Variants in SNX29 observed in about 807,000 individuals in gnomAD.
SNX29 encodes sorting nexin-29.
Under a neutral mutation model 102.1 loss-of-function variants are expected in SNX29, and 78 were observed. The observed-to-expected ratio is 0.76, with a 90% CI of 0.64 to 0.92. The LOEUF (loss-of-function observed/expected upper bound fraction) is 0.92, where lower values mean the gene tolerates loss of function less well. SNX29 is among the 40% of genes least tolerant of loss of function. The probability of loss-of-function intolerance (pLI) is 0.00; values close to 1 mark genes in which losing one functional copy is unlikely to be tolerated. For missense variants in SNX29, 1,280 were observed against 1,061.7 expected (o/e 1.21, Z -2.86); for synonymous variants, 580 against 414.5 (o/e 1.40, Z -4.85).
At chr16:12,109,765 C>G (rs1028790709) in intron 11 of SNX29, among the ~76,000 whole-genome samples, 1 of 151,880 alleles carries the variant, frequency 6.6e-6, no homozygotes, top group African/African-American at 2.4e-5. Flanking sequence ...GAATCCCGCT[C>G]TGTCACCCAG....
Position 12,535,209 on chromosome 16 carries a change from G to C in SNX29, c.2318+10368G>C, listed in dbSNP as rs187963764. Among the ~76,000 whole-genome samples, 495 of 152,330 alleles carry C rather than the reference G, an allele frequency of 3.2e-3. 3 individuals are homozygous for C. Among genetic ancestry groups the C allele is most frequent in the Middle Eastern group, 0.017 (5 of 294 alleles). On this transcript the variant is annotated intron_variant, in intron 20 of 20. Transcript: ENST00000566228. Reference sequence around the variant, plus strand: ...GCTGGAGTGCAGTGGTGTGATTTCAGCTCACTGCAACCTCTGCCTCCTGGG... The same window carrying C: ...GCTGGAGTGCAGTGGTGTGATTTCACCTCACTGCAACCTCTGCCTCCTGGG...
At chr16:12,555,345 T>G (rs62028165) in intron 20 of SNX29, among the ~76,000 whole-genome samples, 9 of 151,828 alleles carry the variant, frequency 5.9e-5, no homozygotes, top group Admixed American at 3.9e-4. Flanking sequence ...CTGAGAAACA[T>G]GTTGGTTAAC....
chr16:12,045,095 C>G (rs552263379), intron 5 of SNX29, among the ~76,000 whole-genome samples: 24 of 152,274 alleles, frequency 1.6e-4, no homozygotes, highest in East Asian at 5.8e-4. Flanking sequence ...CGAAAACAGG[C>G]TCAGATTTTT....
intron 19 of SNX29, among the ~76,000 whole-genome samples, chr16:12,495,295 A>G (rs2088765723): frequency 1.3e-5 from 2 of 151,854 alleles, no homozygotes; most frequent in African/African-American, 4.8e-5. Context: ...GGGATTACAG[A>G]CGTGCACCAC....
intron 14 of SNX29, among the ~76,000 whole-genome samples, chr16:12,269,344 C>T (rs367737264): frequency 7.9e-5 from 12 of 152,140 alleles, no homozygotes; most frequent in South Asian, 4.1e-4. Context: ...ACATTTGGCA[C>T]GAGATTAAAA....
At chr16:12,500,345 A>G (rs1010284742) in intron 19 of SNX29, among the ~76,000 whole-genome samples, 4 of 152,210 alleles carry the variant, frequency 2.6e-5, no homozygotes, top group Admixed American at 1.3e-4. Flanking sequence ...GCTTGCCTGC[A>G]GACCAATAAC....
chr16:12,128,041 C>G (rs1483981331), intron 12 of SNX29, among the ~76,000 whole-genome samples: 1 of 152,138 alleles, frequency 6.6e-6, no homozygotes, highest in African/African-American at 2.4e-5. Context: ...TTTGGTCCTG[C>G]TTGACAAGCT....
At chr16:11,985,574 G>A (rs1469397431) in intron 1 of SNX29, among the ~76,000 whole-genome samples, 1 of 152,208 alleles carries the variant, frequency 6.6e-6, no homozygotes, top group Non-Finnish European at 1.5e-5. Flanking sequence ...CCTCCATGGA[G>A]CGGGCTGGCC....
intron 19 of SNX29, among the ~76,000 whole-genome samples, chr16:12,513,680 C>T (rs2089736567): frequency 6.6e-6 from 1 of 152,132 alleles, no homozygotes; most frequent in South Asian, 2.1e-4. Flanking sequence ...GGGGCCAAGT[C>T]CCAGTATAAA....
intron 14 of SNX29, among the ~76,000 whole-genome samples, chr16:12,267,743 C>G (rs1010117662): frequency 3.3e-5 from 5 of 152,214 alleles, no homozygotes; most frequent in Non-Finnish European, 4.4e-5. Flanking sequence ...GGAGGGAGAT[C>G]TGAGCTGTTT....
intron 16 of SNX29, among the ~76,000 whole-genome samples, chr16:12,369,437 C>A (rs986418751): frequency 3.9e-5 from 6 of 152,160 alleles, no homozygotes; most frequent in African/African-American, 1.2e-4. Context: ...TGCCCGGCCG[C>A]ATGTTCATAT....
chr16:12,113,389 T>G (rs916641986), intron 11 of SNX29, among the ~76,000 whole-genome samples: 1 of 152,136 alleles, frequency 6.6e-6, no homozygotes, highest in Non-Finnish European at 1.5e-5. Context: ...ACATGGCTCC[T>G]GTGTTCTGTC....
At chr16:12,547,696 C>T (rs1311733905) in intron 20 of SNX29, among the ~76,000 whole-genome samples, 4 of 152,144 alleles carry the variant, frequency 2.6e-5, no homozygotes, top group African/African-American at 4.8e-5. Context: ...CCCCGCGTTC[C>T]TGTCTGGGAT....
At chr16:12,145,290 T>G (rs948045191) in intron 13 of SNX29, among the ~76,000 whole-genome samples, 1 of 152,186 alleles carries the variant, frequency 6.6e-6, no homozygotes, top group Non-Finnish European at 1.5e-5. Flanking sequence ...GACTGTAGCG[T>G]GATAATTATT....
chr16:12,110,973 C>G (rs9922001), intron 11 of SNX29, among the ~76,000 whole-genome samples: 21,275 of 151,930 alleles, frequency 0.14, 1,627 homozygotes, highest in East Asian at 0.25. Context: ...CACGCTACCA[C>G]GCCTGGCTAA....
intron 18 of SNX29, among the ~76,000 whole-genome samples, chr16:12,436,511 C>G (rs971722654): frequency 6.6e-6 from 1 of 152,240 alleles, no homozygotes; most frequent in Non-Finnish European, 1.5e-5. Context: ...CTCAGGCATT[C>G]ATACCCCTGA....
At chr16:12,490,856 A>C (rs1329048409) in intron 19 of SNX29, among the ~76,000 whole-genome samples, 2 of 152,258 alleles carry the variant, frequency 1.3e-5, no homozygotes, top group Non-Finnish European at 2.9e-5. Context: ...CAGATTAATC[A>C]ATGTTAACAT....
At chr16:12,107,058 TCCTC>T (rs1282015033) in intron 11 of SNX29, among the ~76,000 whole-genome samples, 1 of 152,152 alleles carries the variant, frequency 6.6e-6, no homozygotes, top group Non-Finnish European at 1.5e-5. Flanking sequence ...GCTAAAGCAA[TCCTC>T]CCTCCTCGGC....
chr16:12,301,483 C>T lies in SNX29; in HGVS notation c.1782+23447C>T, dbSNP rs1309668407. 2.0e-5 allele frequency among the ~76,000 whole-genome samples: 3 copies of T among 152,258 alleles called. No homozygotes were observed. The East Asian group carries it at 5.8e-4, about 29-fold the overall frequency. On this transcript the variant is annotated intron_variant, in intron 15 of 20. Transcript: ENST00000566228. ...GCTTCGTGTCCTCCCAGTCTCCATT[C>T]AGTGTCACCGCCTCAGTGAGGCCTT...
Sources: allele counts gnomAD v4.1 joint callset (sites outside exome capture counted in the v4.1 genomes callset), GRCh38; gene constraint gnomAD v4.1.1; transcripts MANE v1.5; gene names NCBI Gene and HGNC (gene_info 2026-07-23, HGNC 2026-07-21).